SKAP2: variants seen among roughly 807,000 people sequenced by gnomAD.
SKAP2 encodes the protein src kinase associated phosphoprotein 2.
A neutral mutation model predicts 54.9 loss-of-function variants in SKAP2; 28 were observed. That is an observed-to-expected ratio of 0.51 (90% confidence interval 0.38 to 0.70). The LOEUF (loss-of-function observed/expected upper bound fraction) is 0.70. SKAP2 is among the 30% of genes least tolerant of loss of function. SKAP2 has a pLI of 0.00. For synonymous variants in SKAP2, 137 were observed against 134.3 expected (o/e 1.02, Z -0.14); for missense variants, 356 against 424.1 (o/e 0.84, Z 1.41).
At chr7:26,799,082 A>AGGCAG (rs199961874) in intron 4 of SKAP2, among the ~76,000 whole-genome samples, 2 of 149,978 alleles carry the variant, frequency 1.3e-5, no homozygotes, top group African/African-American at 2.5e-5. Context: ...GGGCAAGGCA[A>AGGCAG]GGCAGGGCAG....
chr7:26,836,698 A>T (rs1264386008), intron 4 of SKAP2, among the ~76,000 whole-genome samples: 1 of 152,228 alleles, frequency 6.6e-6, no homozygotes, highest in South Asian at 2.1e-4. Context: ...CAGATGCTGG[A>T]GAGGATGTGG....
intron 11 of SKAP2, among the ~76,000 whole-genome samples, chr7:26,670,657 A>C (rs1786207569): frequency 6.6e-6 from 1 of 151,922 alleles, no homozygotes; most frequent in Non-Finnish European, 1.5e-5. Context: ...ATGACCTAAA[A>C]TGATTTAGAA....
At chr7:26,846,425 A>C (rs1295241130) in intron 3 of SKAP2, among the ~76,000 whole-genome samples, 1 of 152,186 alleles carries the variant, frequency 6.6e-6, no homozygotes, top group Admixed American at 6.5e-5. Flanking sequence ...ATCCATTATT[A>C]TGTGTGCATA....
At chr7:26,833,627 G>T (rs556092382) in intron 4 of SKAP2, among the ~76,000 whole-genome samples, 1 of 151,944 alleles carries the variant, frequency 6.6e-6, no homozygotes, top group Non-Finnish European at 1.5e-5. Context: ...GACAAAGAAG[G>T]GCATTACATA....
chr7:26,810,333 GAAAGAAAAAA>G (rs1242630548), intron 4 of SKAP2, among the ~76,000 whole-genome samples: 2 of 150,216 alleles, frequency 1.3e-5, no homozygotes. Context: ...GAAAGAAAAA[GAAAGAAAAAA>G]AAAGAAAACA....
intron 4 of SKAP2, among the ~76,000 whole-genome samples, chr7:26,841,683 T>C (rs3801814): frequency 2.2e-4 from 34 of 151,626 alleles, no homozygotes; most frequent in Non-Finnish European, 5.0e-4. Flanking sequence ...TAGAGAAAAA[T>C]AAATATTAAA....
intron 4 of SKAP2, among the ~76,000 whole-genome samples, chr7:26,793,362 C>T (rs1783708264): frequency 6.6e-6 from 1 of 152,138 alleles, no homozygotes; most frequent in Non-Finnish European, 1.5e-5. Flanking sequence ...CTGAAGTATC[C>T]TTACAGAAGA....
intron 9 of SKAP2, among the ~76,000 whole-genome samples, chr7:26,702,077 C>G (rs1338741037): frequency 6.6e-6 from 1 of 152,140 alleles, no homozygotes; most frequent in South Asian, 2.1e-4. Context: ...GACACCGTAT[C>G]AGTTTCCTTA....
intron 4 of SKAP2, among the ~76,000 whole-genome samples, chr7:26,830,396 T>A (rs951022257): frequency 6.6e-6 from 1 of 152,142 alleles, no homozygotes; most frequent in Non-Finnish European, 1.5e-5. Flanking sequence ...AATTAGTATA[T>A]TCTATGGTTA....
At chr7:26,676,117 TAATA>T (rs1246565230) in intron 11 of SKAP2, among the ~76,000 whole-genome samples, 3 of 152,360 alleles carry the variant, frequency 2.0e-5, no homozygotes, top group Non-Finnish European at 2.9e-5. Context: ...CTTAGGTACT[TAATA>T]TATATCAATA....
chr7:26,807,488 T>A (rs1361128689), intron 4 of SKAP2, among the ~76,000 whole-genome samples: 1 of 152,206 alleles, frequency 6.6e-6, no homozygotes, highest in Non-Finnish European at 1.5e-5. Flanking sequence ...TCTCTTTAAC[T>A]TTCTGCCATG....
rs149978843 is a variant in SKAP2 at position 26,713,367 on chromosome 7, C to T, written c.796+12061G>A. Reference sequence around the variant, plus strand: ...GGTCTGCCTTTTTCATGCCTAAACTCCCAGCACCTAGAACAGAATCTGACA... The same window carrying T: ...GGTCTGCCTTTTTCATGCCTAAACTTCCAGCACCTAGAACAGAATCTGACA... On this transcript the variant is annotated intron_variant, in intron 9 of 12. Coordinates refer to ENST00000345317, the MANE Select transcript of SKAP2 (RefSeq NM_003930.5). 1.6e-3 allele frequency among the ~76,000 whole-genome samples: 239 copies of T among 152,182 alleles called. 1 individual carries two copies. The highest frequency in any genetic ancestry group is 5.5e-3 in the African/African-American group (230 of 41,504).
At chr7:26,840,513 C>A (rs942516184) in intron 4 of SKAP2, among the ~76,000 whole-genome samples, 23 of 152,176 alleles carry the variant, frequency 1.5e-4, no homozygotes, top group Non-Finnish European at 4.4e-5. Flanking sequence ...ATCTACCCAC[C>A]TTAGTGCCTA....
At chr7:26,736,305 C>T (rs1584359354) in intron 6 of SKAP2, among the ~76,000 whole-genome samples, 6 of 152,234 alleles carry the variant, frequency 3.9e-5, no homozygotes, top group African/African-American at 1.4e-4. Context: ...ATGAAAATGA[C>T]CTTTGGTTTT....
chr7:26,722,591 T>C (rs1398146731), intron 9 of SKAP2, among the ~76,000 whole-genome samples: 2 of 151,830 alleles, frequency 1.3e-5, no homozygotes, highest in Non-Finnish European at 2.9e-5. Context: ...TTATTTTTAG[T>C]AGAGACGGGG....
chr7:26,743,211 A>T (rs1236602791), intron 4 of SKAP2, among the ~76,000 whole-genome samples: 1 of 152,156 alleles, frequency 6.6e-6, no homozygotes, highest in East Asian at 1.9e-4. Flanking sequence ...CCTAAAAAAA[A>T]GTTTTGCACT....
downstream of SKAP2, among the ~76,000 whole-genome samples, chr7:26,665,992 TAC>T (rs57804557): frequency 0.037 from 5,501 of 149,358 alleles, 322 homozygotes; most frequent in African/African-American, 0.13. Flanking sequence ...ATATACAGTG[TAC>T]ACACACACAC....
At chr7:26,826,118 T>TAC (rs10601131) in intron 4 of SKAP2, among the ~76,000 whole-genome samples, 10,672 of 150,092 alleles carry the variant, frequency 0.071, 466 homozygotes, top group African/African-American at 0.12. Flanking sequence ...ATTCGTGCAA[T>TAC]ACACACACAC....
At chr7:26,722,311 A>G (rs1166999040) in intron 9 of SKAP2, among the ~76,000 whole-genome samples, 1 of 152,174 alleles carries the variant, frequency 6.6e-6, no homozygotes, top group Admixed American at 6.5e-5. Context: ...ATTCTAACTG[A>G]AAAACAATTA....
Sources: allele counts gnomAD v4.1 joint callset (sites outside exome capture counted in the v4.1 genomes callset), GRCh38; gene constraint gnomAD v4.1.1; transcripts MANE v1.5; gene names NCBI Gene and HGNC (gene_info 2026-07-23, HGNC 2026-07-21).